NFAT5: variants seen among roughly 807,000 people sequenced by gnomAD.
NFAT5 encodes the protein nuclear factor of activated T cells 5, also known as nuclear factor of activated T-cells 5.
In NFAT5, 31 loss-of-function variants were observed where a neutral mutation model predicts 166.5. The ratio of observed to expected loss-of-function variants is 0.19; its 90% CI spans 0.14 to 0.25. The LOEUF (loss-of-function observed/expected upper bound fraction) is 0.25. Among genes scored for constraint, NFAT5 ranks in the 10% least tolerant of loss-of-function variants. The pLI, the probability that NFAT5 is intolerant of heterozygous loss-of-function variation, is 1.00. For missense variants in NFAT5, 1,449 were observed against 1,821.8 expected (o/e 0.80, Z 3.72); for synonymous variants, 612 against 639.7 (o/e 0.96, Z 0.65).
intron 6 of NFAT5, among the ~76,000 whole-genome samples, chr16:69,657,438 AT>A (rs1166916511): frequency 2.0e-5 from 3 of 148,878 alleles, no homozygotes; most frequent in Non-Finnish European, 4.5e-5. Flanking sequence ...CCTCATAAAT[AT>A]TTTTTAACTT....
At chr16:69,615,793 T>C (rs1034378618) in intron 2 of NFAT5, among the ~76,000 whole-genome samples, 1 of 152,148 alleles carries the variant, frequency 6.6e-6, no homozygotes, top group Non-Finnish European at 1.5e-5. Context: ...TCTCCTGTTG[T>C]AACCAATCTC....
intron 2 of NFAT5, among the ~76,000 whole-genome samples, chr16:69,571,364 A>G (rs2016427822): frequency 6.6e-6 from 1 of 151,948 alleles, no homozygotes; most frequent in Non-Finnish European, 1.5e-5. Context: ...TCTCCTGACT[A>G]CCCTTTGAGA....
intron 10 of NFAT5, among the ~76,000 whole-genome samples, chr16:69,684,142 C>T (rs1307132192): frequency 6.6e-6 from 1 of 151,502 alleles, no homozygotes; most frequent in Non-Finnish European, 1.5e-5. Context: ...ACCTGAAATC[C>T]CAGCTACTCA....
At chr16:69,602,262 GTTA>G (rs2033168166) in intron 2 of NFAT5, among the ~76,000 whole-genome samples, 1 of 150,032 alleles carries the variant, frequency 6.7e-6, no homozygotes, top group Non-Finnish European at 1.5e-5. Flanking sequence ...ATAAATCTTG[GTTA>G]TTATCTTTTT....
intron 2 of NFAT5, among the ~76,000 whole-genome samples, chr16:69,587,242 ATT>A (rs11289892): frequency 1.4e-4 from 21 of 146,828 alleles, no homozygotes; most frequent in East Asian, 4.0e-4. Flanking sequence ...AATTTTTTGT[ATT>A]TTTTTTTTTT....
At position 69,698,431 on chromosome 16, in the gene NFAT5, T is replaced by C. The variant is rs2151731023; in HGVS notation, c.*2080T>C. 6.6e-6 allele frequency: 1 copy of C among 152,372 alleles called. No homozygotes were observed. Among genetic ancestry groups the C allele is most frequent in the East Asian group, 1.9e-4 (1 of 5,180 alleles). The allele number at this position is 152,372 out of a possible 1,614,324, so 9.4% of individuals were successfully genotyped here. A position where few individuals can be genotyped will look rare whatever the true frequency, so the allele number is the denominator to read the frequency against. On this transcript the variant is annotated 3_prime_UTR_variant, in exon 15 of 15. Transcript: ENST00000349945. Reference sequence around the variant, plus strand: ...TAAACTATTCTTTTTTGCCACACATTTTTGTGGTAAATTTGTGAGTTTGTC... The same window carrying C: ...TAAACTATTCTTTTTTGCCACACATCTTTGTGGTAAATTTGTGAGTTTGTC...
At chr16:69,638,262 AC>A (rs2035053685) in intron 3 of NFAT5, among the ~76,000 whole-genome samples, 1 of 152,012 alleles carries the variant, frequency 6.6e-6, no homozygotes, top group African/African-American at 2.4e-5. Flanking sequence ...AAACAAAAAA[AC>A]TTCTGGTAGA....
At chr16:69,611,106 A>G (rs2033686382) in intron 2 of NFAT5, among the ~76,000 whole-genome samples, 1 of 152,262 alleles carries the variant, frequency 6.6e-6, no homozygotes, top group Non-Finnish European at 1.5e-5. Context: ...AAGATCAACA[A>G]CAAAATAATA....
At chr16:69,592,080 C>CTTTTT (rs3037496) in intron 2 of NFAT5, among the ~76,000 whole-genome samples, 1 of 118,122 alleles carries the variant, frequency 8.5e-6, no homozygotes. Flanking sequence ...ATTACTTTTT[C>CTTTTT]TTTTTTTTTT....
At chr16:69,650,174 C>G (rs114747811) in intron 4 of NFAT5, among the ~76,000 whole-genome samples, 1,748 of 152,030 alleles carry the variant, frequency 0.011, 23 homozygotes, top group African/African-American at 0.037. Context: ...TTATGCGGCA[C>G]GAATAAATTA....
At chr16:69,655,835 C>T (rs761731696) in intron 6 of NFAT5, 36 bp downstream of exon 6, 3 of 1,526,148 alleles carry the variant, frequency 2.0e-6, no homozygotes, top group African/African-American at 2.7e-5. Context: ...TTATACATTA[C>T]ACTCTTGTGT....
At chr16:69,658,401 G>C (rs1312458756) in intron 6 of NFAT5, among the ~76,000 whole-genome samples, 4 of 150,424 alleles carry the variant, frequency 2.7e-5, no homozygotes, top group African/African-American at 9.8e-5. Context: ...GAGAATCTCT[G>C]GAACCCTGGA....
chr16:69,566,031 C>T lies in NFAT5; in HGVS notation c.-271C>T. On this transcript the variant is annotated 5_prime_UTR_variant, in exon 1 of 15. The change creates a new upstream start codon in the 5' untranslated region. Transcript: ENST00000349945. This position sits in a 1 kb window ranked among gnomAD's most constrained non-coding sequence, Gnocchi z 5.7. ...GTTTTCGCTGAGGAGAAACACGAAA[C>T]GGACCCTTTGGCTCTCCCCCTTCCC... 2.7e-6 allele frequency: 1 copy of T among 373,314 alleles called. No individual in the cohort carries two copies. Among genetic ancestry groups the T allele is most frequent in the South Asian group, 2.8e-5 (1 of 35,964 alleles). The allele number at this position is 373,314 out of a possible 1,614,324, so 23.1% of individuals were successfully genotyped here.
At chr16:69,612,644 G>A (rs1267613812) in intron 2 of NFAT5, among the ~76,000 whole-genome samples, 1 of 152,044 alleles carries the variant, frequency 6.6e-6, no homozygotes, top group African/African-American at 2.4e-5. Flanking sequence ...CCAAGAATTG[G>A]AGACCAGACT....
intron 7 of NFAT5, among the ~76,000 whole-genome samples, chr16:69,667,512 A>G (rs913366394): frequency 6.6e-6 from 1 of 150,420 alleles, no homozygotes; most frequent in Non-Finnish European, 1.5e-5. Context: ...AAAAAAAAAG[A>G]AAGTAACCGA....
chr16:69,670,881 A>G (rs372725759), intron 9 of NFAT5, among the ~76,000 whole-genome samples: 2 of 152,214 alleles, frequency 1.3e-5, no homozygotes, highest in African/African-American at 4.8e-5. Context: ...AAGAGGTAGT[A>G]TGTACAGGTG....
intron 10 of NFAT5, among the ~76,000 whole-genome samples, chr16:69,684,536 G>T (rs1292686266): frequency 6.6e-6 from 1 of 151,892 alleles, no homozygotes; most frequent in Non-Finnish European, 1.5e-5. Flanking sequence ...CTCCAGCCTG[G>T]GCAACAGAGC....
intron 9 of NFAT5, among the ~76,000 whole-genome samples, chr16:69,675,802 G>A (rs1002981250): frequency 6.6e-6 from 1 of 152,032 alleles, no homozygotes; most frequent in South Asian, 2.1e-4. Flanking sequence ...ACCAGGGCTG[G>A]CTAATTTTTT....
At position 69,700,472 on chromosome 16, in the gene NFAT5, G is replaced by C. The variant is rs985098888; in HGVS notation, c.*4121G>C. 1.8e-4 allele frequency: 27 copies of C among 152,140 alleles called. No individual in the cohort carries two copies. The highest frequency in any genetic ancestry group is 1.8e-3 in the Admixed American group (27 of 15,264). 9.4% of individuals were successfully genotyped at this position (152,140 alleles called of 1,614,324 possible). On this transcript the variant is annotated 3_prime_UTR_variant, in exon 15 of 15. Transcript: ENST00000349945. ...TTGTTTTAGGAAAGTGAATCTGTTA[G>C]ATGCATCAACAAATAATGACCAGGA...
Sources: gnomAD v4.1 joint callset for allele counts (sites outside exome capture counted in the v4.1 genomes callset) on GRCh38, gnomAD v4.1.1 for gene constraint, Gnocchi (gnomAD v3.1) non-coding constraint, MANE v1.5 for transcripts, NCBI Gene and HGNC (gene_info 2026-07-23, HGNC 2026-07-21) for gene names.